CAMTA1: variants seen among roughly 807,000 people sequenced by gnomAD.
CAMTA1 encodes calmodulin-binding transcription activator 1.
In CAMTA1, 27 loss-of-function variants were observed where a neutral mutation model predicts 170.9. That is an observed-to-expected ratio of 0.16 (90% confidence interval 0.12 to 0.22). CAMTA1 has a LOEUF of 0.22. Among genes scored for constraint, CAMTA1 ranks in the 10% least tolerant of loss-of-function variants. The probability of loss-of-function intolerance (pLI) is 1.00; values close to 1 mark genes in which losing one functional copy is unlikely to be tolerated. For missense variants in CAMTA1, 1,619 were observed against 2,217.2 expected (o/e 0.73, Z 5.42); for synonymous variants, 833 against 891.5 (o/e 0.93, Z 1.17).
chr1:6,830,571 G>A (rs1458542181), intron 3 of CAMTA1, among the ~76,000 whole-genome samples: 2 of 152,128 alleles, frequency 1.3e-5, no homozygotes, highest in East Asian at 1.9e-4. Context: ...TCCAACTCCC[G>A]ACCTCAGGTG....
intron 6 of CAMTA1, among the ~76,000 whole-genome samples, chr1:7,540,324 G>T (rs921867245): frequency 6.6e-6 from 1 of 152,176 alleles, no homozygotes; most frequent in Non-Finnish European, 1.5e-5. Context: ...ACTGGAGTAC[G>T]GGCAGGGTTT....
At chr1:7,322,053 G>A (rs1048114982) in intron 5 of CAMTA1, among the ~76,000 whole-genome samples, 9 of 152,194 alleles carry the variant, frequency 5.9e-5, no homozygotes, top group Admixed American at 5.2e-4. Context: ...AGGCCTGGAA[G>A]ATTTGGAAGA....
chr1:7,553,061 T>C (rs1163890607), intron 6 of CAMTA1, among the ~76,000 whole-genome samples: 1 of 152,168 alleles, frequency 6.6e-6, no homozygotes, highest in Admixed American at 6.5e-5. Flanking sequence ...TGTGCTAAGA[T>C]TGGTAGTGAG....
chr1:7,698,074 A>AACCCC, intron 11 of CAMTA1, among the ~76,000 whole-genome samples: 1 of 98,586 alleles, frequency 1.0e-5, no homozygotes, highest in Non-Finnish European at 2.2e-5. Flanking sequence ...ACGCACTGTG[A>AACCCC]CCCCCCCCCC....
chr1:7,039,501 C>G (rs1301577928), intron 3 of CAMTA1, among the ~76,000 whole-genome samples: 1 of 107,226 alleles, frequency 9.3e-6, no homozygotes, highest in Non-Finnish European at 1.9e-5. Flanking sequence ...ACATCTGAAC[C>G]ATTGTCCAAG....
intron 5 of CAMTA1, among the ~76,000 whole-genome samples, chr1:7,338,852 C>G (rs1037130929): frequency 6.6e-6 from 1 of 152,220 alleles, no homozygotes; most frequent in Non-Finnish European, 1.5e-5. Flanking sequence ...ACTGGGTAAT[C>G]TATAACGAAA....
At chr1:7,233,123 C>G (rs1371827494) in intron 4 of CAMTA1, among the ~76,000 whole-genome samples, 1 of 152,214 alleles carries the variant, frequency 6.6e-6, no homozygotes, top group African/African-American at 2.4e-5. Flanking sequence ...AATGACAACT[C>G]TAACAGACCG....
chr1:7,339,013 C>G (rs1305798646), intron 5 of CAMTA1, among the ~76,000 whole-genome samples: 1 of 152,122 alleles, frequency 6.6e-6, no homozygotes, highest in African/African-American at 2.4e-5. Flanking sequence ...GCGCTACACA[C>G]TTTTAAACAA....
chr1:7,710,470 C>G (rs1053143678), intron 11 of CAMTA1, among the ~76,000 whole-genome samples: 70 of 151,924 alleles, frequency 4.6e-4, no homozygotes, highest in Admixed American at 4.5e-3. Context: ...CACAGTGGCA[C>G]ACACCTATAG....
At position 7,580,034 on chromosome 1, in the gene CAMTA1, A is replaced by T. The variant is rs954728822; in HGVS notation, c.511-60366A>T. Among the ~76,000 whole-genome samples the T allele has an allele frequency of 5.9e-5, 9 of 152,238 alleles. No individual in the cohort carries two copies. The highest frequency in any genetic ancestry group is 8.8e-5 in the Non-Finnish European group (6 of 68,038). ...GCTGAATCCACCCTCTCTCCGGTCA[A>T]CTCACAACTCACACATGCATTCTGG... On this transcript the variant is annotated intron_variant, in intron 6 of 22. Coordinates refer to ENST00000303635, the MANE Select transcript of CAMTA1 (RefSeq NM_015215.4). This position sits in a 1 kb window ranked among gnomAD's most constrained non-coding sequence, Gnocchi z 4.3.
At chr1:7,237,227 G>C (rs1664046741) in intron 4 of CAMTA1, among the ~76,000 whole-genome samples, 1 of 152,210 alleles carries the variant, frequency 6.6e-6, no homozygotes, top group African/African-American at 2.4e-5. Flanking sequence ...TTCTTAAAGG[G>C]GTGCTGCAAG....
At chr1:6,811,735 G>A (rs967903249) in intron 1 of CAMTA1, among the ~76,000 whole-genome samples, 1 of 152,180 alleles carries the variant, frequency 6.6e-6, no homozygotes. Flanking sequence ...TTCACTTTTG[G>A]CCTTCAGAGT....
chr1:6,841,901 C>T (rs1159585963), intron 3 of CAMTA1, among the ~76,000 whole-genome samples: 1 of 152,194 alleles, frequency 6.6e-6, no homozygotes, highest in African/African-American at 2.4e-5. Flanking sequence ...GCAGCCACTA[C>T]AGGGCCCGCA....
At chr1:7,036,635 C>T (rs1404910308) in intron 3 of CAMTA1, among the ~76,000 whole-genome samples, 1 of 152,188 alleles carries the variant, frequency 6.6e-6, no homozygotes, top group Non-Finnish European at 1.5e-5. Context: ...GTGCTTTTTC[C>T]ATTCCGCTAA....
At chr1:7,196,089 G>A (rs891563790) in intron 4 of CAMTA1, among the ~76,000 whole-genome samples, 2 of 151,898 alleles carry the variant, frequency 1.3e-5, no homozygotes, top group African/African-American at 4.8e-5. Context: ...TGAGAGGAGG[G>A]GCCTGCAGGA....
intron 5 of CAMTA1, among the ~76,000 whole-genome samples, chr1:7,445,158 T>C (rs1244704289): frequency 1.3e-5 from 2 of 151,316 alleles, no homozygotes; most frequent in Admixed American, 6.6e-5. Context: ...CTGAATCCAC[T>C]AGGAATGTGC....
chr1:7,253,691 G>A (rs575744384), intron 5 of CAMTA1, among the ~76,000 whole-genome samples: 3 of 152,304 alleles, frequency 2.0e-5, no homozygotes, highest in South Asian at 2.1e-4. Flanking sequence ...CTTGCCCTAC[G>A]TCATACCTCA....
At chr1:7,078,403 C>T (rs185206089) in intron 3 of CAMTA1, among the ~76,000 whole-genome samples, 71 of 152,240 alleles carry the variant, frequency 4.7e-4, no homozygotes, top group African/African-American at 1.5e-3. Flanking sequence ...AAGGCAGAAT[C>T]GGTATTGAGT....
chr1:7,552,872 G>A lies in CAMTA1; in HGVS notation c.510+84971G>A, dbSNP rs189529468. On this transcript the variant is annotated intron_variant, in intron 6 of 22. Coordinates refer to ENST00000303635, the MANE Select transcript of CAMTA1 (RefSeq NM_015215.4). ...CAGGAGGTTACAGTCCAAGGAGCACGGAGCCGCACGGAGAGCCTCTTACCC... is the reference window on the plus strand; with the variant it reads ...CAGGAGGTTACAGTCCAAGGAGCACAGAGCCGCACGGAGAGCCTCTTACCC... Among the ~76,000 whole-genome samples the A allele has an allele frequency of 3.3e-5, 5 of 152,320 alleles. No individual in the cohort carries two copies. The South Asian group carries it at 6.2e-4, about 19-fold the overall frequency.
Sources: allele counts gnomAD v4.1 joint callset (sites outside exome capture counted in the v4.1 genomes callset), GRCh38; gene constraint gnomAD v4.1.1; non-coding constraint Gnocchi (gnomAD v3.1); transcripts MANE v1.5; gene names NCBI Gene and HGNC (gene_info 2026-07-23, HGNC 2026-07-21).